Variants in EXT1 observed in about 807,000 individuals in gnomAD.
EXT1 encodes exostosin glycosyltransferase 1.
A neutral mutation model predicts 82.5 loss-of-function variants in EXT1; 20 were observed. The ratio of observed to expected loss-of-function variants is 0.24; its 90% CI spans 0.17 to 0.35. EXT1 has a LOEUF of 0.35. EXT1 is among the 10% of genes least tolerant of loss of function. The pLI, the probability that EXT1 is intolerant of heterozygous loss-of-function variation, is 1.00. For missense variants in EXT1, 757 were observed against 936.5 expected (o/e 0.81, Z 2.50); for synonymous variants, 348 against 350.8 (o/e 0.99, Z 0.09).
At chr8:117,862,080 T>C (rs1812696843) in intron 1 of EXT1, among the ~76,000 whole-genome samples, 1 of 146,278 alleles carries the variant, frequency 6.8e-6, no homozygotes, top group South Asian at 2.2e-4. Flanking sequence ...TGCTCAATCA[T>C]GCGCTCTGTA....
At chr8:117,936,701 G>A (rs1264402590) in intron 1 of EXT1, among the ~76,000 whole-genome samples, 4 of 151,898 alleles carry the variant, frequency 2.6e-5, no homozygotes, top group East Asian at 1.9e-4. Flanking sequence ...ATAGTGAAAC[G>A]CTGTCTCTAC....
At chr8:118,064,316 C>G (rs1816937609) in intron 1 of EXT1, among the ~76,000 whole-genome samples, 1 of 152,162 alleles carries the variant, frequency 6.6e-6, no homozygotes, top group Non-Finnish European at 1.5e-5. Context: ...TCTCCTAATG[C>G]CATCCCTCCC....
Position 118,066,461 on chromosome 8 carries a change from C to T in EXT1, c.962+43624G>A, listed in dbSNP as rs1032120200. On this transcript the variant is annotated intron_variant, in intron 1 of 10. Transcript: ENST00000378204. ...AGTAGCCTCCGCCTCCCGGTTCAAG[C>T]GATTCTCCTGCCTCAGCCTCCTGAG... Among the ~76,000 whole-genome samples, 5 of 151,804 alleles carry T rather than the reference C, an allele frequency of 3.3e-5. No homozygotes were observed. In the South Asian group the frequency reaches 8.3e-4, roughly 25 times the overall value.
At chr8:117,899,216 T>C (rs1008837423) in intron 1 of EXT1, among the ~76,000 whole-genome samples, 1 of 152,214 alleles carries the variant, frequency 6.6e-6, no homozygotes, top group Admixed American at 6.5e-5. Flanking sequence ...AGACTGGCAG[T>C]AGTATATGTT....
At position 117,804,314 on chromosome 8, in the gene EXT1, A is replaced by G. The variant is rs529697706; in HGVS notation, c.2055+408T>C. On this transcript the variant is annotated intron_variant, in intron 10 of 10. Transcript: ENST00000378204. The stretch of plus-strand genomic sequence containing the variant: ...GCAGAGGGCTATCTATGAATCAGGA[A>G]ACAGTCTCTTGTCAGGCACCAAATC... 3.9e-5 allele frequency among the ~76,000 whole-genome samples: 6 copies of G among 152,294 alleles called. No homozygotes were observed. The South Asian group carries it at 1.2e-3, about 32-fold the overall frequency.
At chr8:117,810,464 A>C (rs972444016) in intron 8 of EXT1, among the ~76,000 whole-genome samples, 2 of 152,164 alleles carry the variant, frequency 1.3e-5, no homozygotes, top group African/African-American at 4.8e-5. Context: ...CATACAACAC[A>C]TGTTCCTCCC....
chr8:117,940,411 G>A (rs578130012), intron 1 of EXT1, among the ~76,000 whole-genome samples: 2 of 152,110 alleles, frequency 1.3e-5, no homozygotes, highest in Admixed American at 6.5e-5. Flanking sequence ...AGAGCCCCCC[G>A]TATCTGGAAG....
chr8:118,002,477 G>T (rs1443119017), intron 1 of EXT1, among the ~76,000 whole-genome samples: 1 of 149,820 alleles, frequency 6.7e-6, no homozygotes, highest in Non-Finnish European at 1.5e-5. Flanking sequence ...TACACTGTTG[G>T]TGGGAATGTA....
At chr8:117,976,528 T>C (rs182773744) in intron 1 of EXT1, among the ~76,000 whole-genome samples, 15 of 152,290 alleles carry the variant, frequency 9.8e-5, no homozygotes, top group Admixed American at 5.2e-4. Context: ...AAAGACTGTA[T>C]ACAGTAGGGT....
rs145045467 is a variant in EXT1 at position 117,948,018 on chromosome 8, C to G, written c.963-110817G>C. On this transcript the variant is annotated intron_variant, in intron 1 of 10. Coordinates refer to ENST00000378204, the MANE Select transcript of EXT1 (RefSeq NM_000127.3). Reference sequence around the variant, plus strand: ...CCTCCAGTGATGAATGAGGAAATACCTGCTCCCCGTCTCTGTAATCAGTCC... The same window carrying G: ...CCTCCAGTGATGAATGAGGAAATACGTGCTCCCCGTCTCTGTAATCAGTCC... 7.1e-4 allele frequency among the ~76,000 whole-genome samples: 108 copies of G among 152,170 alleles called. 2 individuals carry two copies. The highest frequency in any genetic ancestry group is 2.3e-3 in the African/African-American group (97 of 41,514).
chr8:117,799,566 CCT>C lies in EXT1; in HGVS notation c.*144_*145del. 3.4e-6 allele frequency: 3 copies of C among 892,342 alleles called. No homozygotes were observed. The highest frequency in any genetic ancestry group is 5.2e-6 in the Non-Finnish European group (3 of 575,740). 55.3% of individuals were successfully genotyped at this position (892,342 alleles called of 1,614,324 possible). On this transcript the variant is annotated 3_prime_UTR_variant, in exon 11 of 11. Transcript: ENST00000378204. ...GAGCCAGGAGTTGAGTTCTCATTGGCCTTTTTTTTTTTGTCATTCTGCTCATC... is the reference window on the plus strand; with the variant it reads ...GAGCCAGGAGTTGAGTTCTCATTGGCTTTTTTTTTTGTCATTCTGCTCATC...
At chr8:117,858,791 A>AGGCAGGCAGGCAGGCAGGC (rs1554581729) in intron 1 of EXT1, among the ~76,000 whole-genome samples, 25 of 58,488 alleles carry the variant, frequency 4.3e-4, no homozygotes, top group South Asian at 5.5e-4. Context: ...GCAGGCAGGC[A>AGGCAGGCAGGCAGGCAGGC]AGGCAAGGCA....
intron 1 of EXT1, among the ~76,000 whole-genome samples, chr8:117,848,225 G>C (rs1314704056): frequency 6.6e-6 from 1 of 152,194 alleles, no homozygotes; most frequent in Non-Finnish European, 1.5e-5. Flanking sequence ...CATAACATTT[G>C]GGTTATGGTT....
intron 1 of EXT1, among the ~76,000 whole-genome samples, chr8:117,870,850 A>ACACAC (rs1563586222): frequency 1.1e-5 from 1 of 89,666 alleles, no homozygotes; most frequent in Non-Finnish European, 2.0e-5. Flanking sequence ...CACACACACA[A>ACACAC]AAGATTGAAG....
In EXT1 at chr8:118,046,098, G is replaced by A. The variant is rs562306834; in HGVS notation, c.962+63987C>T. ...GGCATGAGCCACCGTGCCCAGCCTA[G>A]ATGTCTTTTTTTTTTTTTCTTTTTG... On this transcript the variant is annotated intron_variant, in intron 1 of 10. Coordinates refer to ENST00000378204, the MANE Select transcript of EXT1 (RefSeq NM_000127.3). 1.0e-4 allele frequency among the ~76,000 whole-genome samples: 15 copies of A among 149,928 alleles called. No homozygotes were observed. The East Asian group carries it at 2.7e-3, about 27-fold the overall frequency.
At chr8:117,917,716 CT>C (rs1813780247) in intron 1 of EXT1, among the ~76,000 whole-genome samples, 2 of 152,270 alleles carry the variant, frequency 1.3e-5, no homozygotes, top group South Asian at 4.1e-4. Context: ...ATGGTCTCCA[CT>C]GTAGAGAAGA....
intron 1 of EXT1, among the ~76,000 whole-genome samples, chr8:117,972,635 T>C (rs1471012635): frequency 6.6e-6 from 1 of 152,198 alleles, no homozygotes; most frequent in Non-Finnish European, 1.5e-5. Flanking sequence ...TATTAGTCTG[T>C]TCTCACACTG....
intron 3 of EXT1, among the ~76,000 whole-genome samples, chr8:117,835,207 A>G (rs1812169475): frequency 6.6e-6 from 1 of 152,210 alleles, no homozygotes; most frequent in African/African-American, 2.4e-5. Flanking sequence ...TGAAAATCAA[A>G]GCTCCCATTC....
chr8:117,905,523 C>T (rs554871706), intron 1 of EXT1, among the ~76,000 whole-genome samples: 1 of 151,842 alleles, frequency 6.6e-6, no homozygotes, highest in Admixed American at 6.6e-5. Context: ...CTCAAAAAAA[C>T]CAAAACAGGC....
Sources: allele counts gnomAD v4.1 joint callset (sites outside exome capture counted in the v4.1 genomes callset), GRCh38; gene constraint gnomAD v4.1.1; transcripts MANE v1.5; gene names NCBI Gene and HGNC (gene_info 2026-07-23, HGNC 2026-07-21).